ADAMTSL3: variants seen among roughly 807,000 people sequenced by gnomAD.
ADAMTSL3 encodes the protein ADAMTS like 3.
A neutral mutation model predicts 201.7 loss-of-function variants in ADAMTSL3; 128 were observed. The observed-to-expected ratio is 0.63, with a 90% CI of 0.55 to 0.73. The LOEUF (loss-of-function observed/expected upper bound fraction) is 0.73, where lower values mean the gene tolerates loss of function less well. Ranked by LOEUF, ADAMTSL3 falls within the 30% of genes least tolerant of loss-of-function variation. The pLI, the probability that ADAMTSL3 is intolerant of heterozygous loss-of-function variation, is 0.00. For synonymous variants in ADAMTSL3, 738 were observed against 748.4 expected (o/e 0.99, Z 0.23); for missense variants, 1,990 against 2,119.6 (o/e 0.94, Z 1.20).
intron 15 of ADAMTSL3, among the ~76,000 whole-genome samples, chr15:83,910,259 A>G (rs887048721): frequency 6.6e-6 from 1 of 152,086 alleles, no homozygotes; most frequent in African/African-American, 2.4e-5. Flanking sequence ...GACGTAGGTA[A>G]CACAGCCTGT....
chr15:84,007,100 T>A (rs1325066935), intron 23 of ADAMTSL3, among the ~76,000 whole-genome samples: 1 of 152,220 alleles, frequency 6.6e-6, no homozygotes, highest in East Asian at 1.9e-4. Flanking sequence ...TCTGGTGTGG[T>A]CCTGTGCTCT....
At chr15:83,871,180 G>T (rs909848706) in intron 9 of ADAMTSL3, among the ~76,000 whole-genome samples, 1 of 152,170 alleles carries the variant, frequency 6.6e-6, no homozygotes, top group Non-Finnish European at 1.5e-5. Context: ...TCACTTTTAT[G>T]GGGGAAGGAT....
intron 4 of ADAMTSL3, among the ~76,000 whole-genome samples, chr15:83,800,411 T>C (rs925928602): frequency 9.9e-5 from 15 of 152,160 alleles, no homozygotes; most frequent in Non-Finnish European, 1.5e-5. Flanking sequence ...GAAACTCAGC[T>C]TACAATTAGG....
At chr15:83,800,584 GC>G (rs1052411138) in intron 4 of ADAMTSL3, among the ~76,000 whole-genome samples, 4 of 152,140 alleles carry the variant, frequency 2.6e-5, no homozygotes, top group Non-Finnish European at 4.4e-5. Context: ...CTAAAATTAA[GC>G]AACTACTAAA....
At chr15:83,816,562 C>A (rs563183334) in intron 5 of ADAMTSL3, among the ~76,000 whole-genome samples, 1 of 152,200 alleles carries the variant, frequency 6.6e-6, no homozygotes, top group Non-Finnish European at 1.5e-5. Flanking sequence ...TGCTTGCATC[C>A]TGCTCTCTTA....
chr15:83,999,322 C>A (rs1337664167), intron 23 of ADAMTSL3, among the ~76,000 whole-genome samples: 1 of 152,118 alleles, frequency 6.6e-6, no homozygotes, highest in African/African-American at 2.4e-5. Context: ...AAGAAACCTT[C>A]TTATGCATAT....
At chr15:83,910,326 T>TAA (rs55942829) in intron 15 of ADAMTSL3, among the ~76,000 whole-genome samples, 1 of 144,718 alleles carries the variant, frequency 6.9e-6, no homozygotes, top group Non-Finnish European at 1.5e-5. Context: ...TTTCTTTCTT[T>TAA]AAAAAAAAAA....
intron 2 of ADAMTSL3, among the ~76,000 whole-genome samples, chr15:83,691,393 G>A (rs2061605668): frequency 6.6e-6 from 1 of 152,164 alleles, no homozygotes; most frequent in South Asian, 2.1e-4. Context: ...CTGAAAGGTC[G>A]TGTCAGGAGC....
intron 5 of ADAMTSL3, among the ~76,000 whole-genome samples, chr15:83,811,524 G>A (rs1202435503): frequency 6.6e-6 from 1 of 152,176 alleles, no homozygotes; most frequent in East Asian, 1.9e-4. Context: ...AATGTAATCT[G>A]CTAAAATTAT....
At chr15:83,669,505 T>G (rs2061297438) in intron 2 of ADAMTSL3, among the ~76,000 whole-genome samples, 1 of 118,372 alleles carries the variant, frequency 8.4e-6, no homozygotes, top group African/African-American at 3.3e-5. Context: ...TCTTGCTCTG[T>G]CTCCCAGGCT....
intron 2 of ADAMTSL3, among the ~76,000 whole-genome samples, chr15:83,687,389 A>G (rs993187284): frequency 6.6e-6 from 1 of 152,208 alleles, no homozygotes; most frequent in South Asian, 2.1e-4. Context: ...CTTATTTTAC[A>G]TTTTCAGCCC....
At chr15:83,664,202 A>G (rs1366546565) in intron 2 of ADAMTSL3, among the ~76,000 whole-genome samples, 3 of 152,184 alleles carry the variant, frequency 2.0e-5, no homozygotes, top group Non-Finnish European at 4.4e-5. Context: ...TTAAATGTAA[A>G]CATTAAAAAT....
chr15:83,745,246 G>A (rs1295285783), intron 3 of ADAMTSL3, among the ~76,000 whole-genome samples: 2 of 152,132 alleles, frequency 1.3e-5, no homozygotes, highest in Non-Finnish European at 2.9e-5. Flanking sequence ...ACTTTCGTCG[G>A]CAATAAAATC....
At chr15:83,667,162 A>G (rs1202485040) in intron 2 of ADAMTSL3, among the ~76,000 whole-genome samples, 5 of 152,076 alleles carry the variant, frequency 3.3e-5, no homozygotes, top group Non-Finnish European at 7.4e-5. Context: ...ACCTAGTCTT[A>G]TATTTCTTTT....
intron 8 of ADAMTSL3, among the ~76,000 whole-genome samples, chr15:83,864,415 A>G (rs1380849885): frequency 6.6e-6 from 1 of 152,234 alleles, no homozygotes; most frequent in African/African-American, 2.4e-5. Context: ...CTTATCCACC[A>G]TGATCAAGTT....
At chr15:84,001,271 T>C (rs2067787743) in intron 23 of ADAMTSL3, among the ~76,000 whole-genome samples, 1 of 152,150 alleles carries the variant, frequency 6.6e-6, no homozygotes, top group Non-Finnish European at 1.5e-5. Context: ...AGTAGAGTCA[T>C]GCATGGAGGG....
intron 6 of ADAMTSL3, among the ~76,000 whole-genome samples, chr15:83,820,552 A>C (rs1158161887): frequency 1.3e-5 from 2 of 152,240 alleles, no homozygotes; most frequent in Non-Finnish European, 2.9e-5. Context: ...GGGTCTGGGG[A>C]ATACACTTTG....
intron 4 of ADAMTSL3, among the ~76,000 whole-genome samples, chr15:83,775,980 C>T (rs140734854): frequency 4.6e-5 from 7 of 152,142 alleles, no homozygotes; most frequent in South Asian, 2.1e-4. Context: ...GAAACCCTCA[C>T]GTAAACTTTG....
intron 23 of ADAMTSL3, among the ~76,000 whole-genome samples, chr15:84,000,319 G>A (rs1291689243): frequency 6.6e-6 from 1 of 151,828 alleles, no homozygotes; most frequent in African/African-American, 2.4e-5. Flanking sequence ...AGCTAAAATT[G>A]TCATTTTGAA....
Sources: gnomAD v4.1 joint callset for allele counts (sites outside exome capture counted in the v4.1 genomes callset) on GRCh38, gnomAD v4.1.1 for gene constraint, MANE v1.5 for transcripts, NCBI Gene and HGNC (gene_info 2026-07-23, HGNC 2026-07-21) for gene names.